Variants in MAPRE2 observed in about 807,000 individuals in gnomAD.
The protein encoded by MAPRE2 is microtubule-associated protein RP/EB family member 2.
A neutral mutation model predicts 43.2 loss-of-function variants in MAPRE2; 13 were observed. The observed-to-expected ratio is 0.30, with a 90% CI of 0.20 to 0.48. The LOEUF (loss-of-function observed/expected upper bound fraction) is 0.48. Among genes scored for constraint, MAPRE2 ranks in the 20% least tolerant of loss-of-function variants. The pLI is 0.99. For missense variants in MAPRE2, 161 were observed against 400.2 expected (o/e 0.40, Z 5.10); for synonymous variants, 135 against 148.8 (o/e 0.91, Z 0.68).
intron 2 of MAPRE2, among the ~76,000 whole-genome samples, chr18:35,079,916 A>G (rs377344285): frequency 8.5e-5 from 13 of 152,266 alleles, no homozygotes; most frequent in African/African-American, 2.9e-4. Flanking sequence ...GTGCATGTAC[A>G]TTGCATGTGT....
Position 35,046,790 on chromosome 18 carries a change from G to A in MAPRE2, c.122+5129G>A, listed in dbSNP as rs893325106. Among the ~76,000 whole-genome samples, 7 of 152,312 alleles carry A rather than the reference G, an allele frequency of 4.6e-5. No individual in the cohort carries two copies. In the East Asian group the frequency reaches 1.3e-3, roughly 29 times the overall value. ...GACTAGGTAGATGTTCTCTGGCTCA[G>A]GATGTCTTTCCTTGAGTAGAAGCAA... is the stretch of plus-strand genomic sequence containing the variant. On this transcript the variant is annotated intron_variant, in intron 1 of 6. Transcript: ENST00000300249.
At chr18:35,006,994 C>T (rs2097032149) in intron 2 of MAPRE2, among the ~76,000 whole-genome samples, 1 of 152,140 alleles carries the variant, frequency 6.6e-6, no homozygotes, top group South Asian at 2.1e-4. Context: ...ATATGGTACC[C>T]TGCATGATGT....
intron 1 of MAPRE2, chr18:34,988,860 T>G (rs2097022347): frequency 6.6e-6 from 1 of 152,188 alleles, no homozygotes; most frequent in Non-Finnish European, 1.5e-5. Context: ...CAGGTTTTCT[T>G]TTCTTTTGTT....
chr18:34,981,323 A>T (rs1473722178), intron 1 of MAPRE2, among the ~76,000 whole-genome samples: 1 of 151,930 alleles, frequency 6.6e-6, no homozygotes, highest in Non-Finnish European at 1.5e-5. Context: ...AGTTGCAGTG[A>T]TCTAAGATTT....
chr18:35,114,007 C>T lies in MAPRE2; in HGVS notation c.610+11848C>T, dbSNP rs184092570. Reference sequence around the variant, plus strand: ...ATATGTATTCAGCAATTCTAAAAGACAGATCATATTATTACCCTCCACTTT... The same window carrying T: ...ATATGTATTCAGCAATTCTAAAAGATAGATCATATTATTACCCTCCACTTT... On this transcript the variant is annotated intron_variant, in intron 4 of 6. Transcript: ENST00000300249. Among the ~76,000 whole-genome samples the T allele has an allele frequency of 1.1e-4, 17 of 152,294 alleles. 1 individual carries two copies. Among genetic ancestry groups the T allele is most frequent in the Admixed American group, 8.5e-4 (13 of 15,306 alleles).
At chr18:35,052,295 C>T (rs1290857152) in intron 1 of MAPRE2, among the ~76,000 whole-genome samples, 1 of 152,202 alleles carries the variant, frequency 6.6e-6, no homozygotes. Context: ...GATTAGATTA[C>T]ATTTTATATA....
rs567908194 is a variant in MAPRE2 at position 35,115,370 on chromosome 18, T to A, written c.611-11578T>A. 8.5e-4 allele frequency among the ~76,000 whole-genome samples: 130 copies of A among 152,268 alleles called. 1 individual carries two copies. The highest frequency in any genetic ancestry group is 2.7e-3 in the African/African-American group (112 of 41,580). Reference sequence around the variant, plus strand: ...CAGTAGCTCAGAAAATGTTTCCTTTTGAAATTTTGTTTCAATAGTTTTTGG... The same window carrying A: ...CAGTAGCTCAGAAAATGTTTCCTTTAGAAATTTTGTTTCAATAGTTTTTGG... On this transcript the variant is annotated intron_variant, in intron 4 of 6. Coordinates refer to ENST00000300249, the MANE Select transcript of MAPRE2 (RefSeq NM_014268.4).
intron 4 of MAPRE2, among the ~76,000 whole-genome samples, chr18:35,116,162 T>A (rs1352737559): frequency 3.3e-5 from 5 of 152,146 alleles, no homozygotes; most frequent in African/African-American, 4.8e-5. Context: ...CTATAAAGGT[T>A]TCTGAAAAAA....
intron 1 of MAPRE2, among the ~76,000 whole-genome samples, chr18:35,044,414 G>C (rs1189899660): frequency 6.6e-6 from 1 of 152,148 alleles, no homozygotes; most frequent in East Asian, 1.9e-4. Context: ...ATTTTTAGTA[G>C]AGATGGGGTT....
chr18:34,979,997 ATTTCT>A (rs200863564), intron 1 of MAPRE2, among the ~76,000 whole-genome samples: 1,381 of 136,086 alleles, frequency 0.01, 16 homozygotes, highest in African/African-American at 0.026. Context: ...CCCTTCCTCA[ATTTCT>A]TTTCTTTTCT....
At chr18:35,095,396 A>ATG (rs1908365320) in intron 2 of MAPRE2, among the ~76,000 whole-genome samples, 3 of 148,422 alleles carry the variant, frequency 2.0e-5, no homozygotes, top group Non-Finnish European at 4.5e-5. Flanking sequence ...ACACACACAC[A>ATG]CACACGCACA....
intron 5 of MAPRE2, among the ~76,000 whole-genome samples, chr18:35,130,953 AAC>A (rs554180942): frequency 3.8e-4 from 58 of 152,266 alleles, no homozygotes; most frequent in African/African-American, 1.3e-3. Context: ...GAAGCTGCAC[AAC>A]CCTGGAAACT....
chr18:35,132,294 A>C (rs1443513341), intron 6 of MAPRE2, 104 bp downstream of exon 6: 1 of 1,048,232 alleles, frequency 9.5e-7, no homozygotes, highest in Non-Finnish European at 1.4e-6. Flanking sequence ...CCTCAATGAG[A>C]ATTACTGCTC....
At chr18:35,096,603 A>G (rs1014292125) in intron 2 of MAPRE2, among the ~76,000 whole-genome samples, 3 of 152,054 alleles carry the variant, frequency 2.0e-5, no homozygotes, top group African/African-American at 4.8e-5. Flanking sequence ...CTGAACTTCT[A>G]TAGCTTTCAG....
intron 5 of MAPRE2, among the ~76,000 whole-genome samples, chr18:35,128,203 C>A (rs77914631): frequency 7.2e-5 from 11 of 152,328 alleles, no homozygotes; most frequent in East Asian, 3.9e-4. Context: ...AACAAGCCAT[C>A]CAGCAGGTAG....
chr18:35,072,461 G>A (rs562720722), intron 2 of MAPRE2, among the ~76,000 whole-genome samples: 1 of 152,284 alleles, frequency 6.6e-6, no homozygotes, highest in East Asian at 1.9e-4. Flanking sequence ...ATAAGGAAAA[G>A]GCTCACAGAG....
chr18:34,992,254 T>G (rs1457690864), intron 1 of MAPRE2, among the ~76,000 whole-genome samples: 1 of 152,196 alleles, frequency 6.6e-6, no homozygotes, highest in African/African-American at 2.4e-5. Flanking sequence ...CAATAGCTAC[T>G]AAAATATTCA....
chr18:35,037,991 C>G (rs559504640), upstream of MAPRE2, among the ~76,000 whole-genome samples: 231 of 152,306 alleles, frequency 1.5e-3, no homozygotes, highest in African/African-American at 5.2e-3. Flanking sequence ...CTGGTCTGAT[C>G]TCATCCATGG....
chr18:34,978,838 T>C (rs1244871518), intron 1 of MAPRE2, among the ~76,000 whole-genome samples: 1 of 152,188 alleles, frequency 6.6e-6, no homozygotes, highest in Non-Finnish European at 1.5e-5. Flanking sequence ...TTTTGCTGCA[T>C]AGTGGAATCA....
Sources: allele counts gnomAD v4.1 joint callset (sites outside exome capture counted in the v4.1 genomes callset), GRCh38; gene constraint gnomAD v4.1.1; transcripts MANE v1.5; gene names NCBI Gene and HGNC (gene_info 2026-07-23, HGNC 2026-07-21).